Variants in FOCAD observed in about 807,000 individuals in gnomAD.
FOCAD encodes the protein focadhesin, also known as KIAA1797.
Under a neutral mutation model 225.6 loss-of-function variants are expected in FOCAD, and 198 were observed. The ratio of observed to expected loss-of-function variants is 0.88; its 90% CI spans 0.78 to 0.99. The LOEUF (loss-of-function observed/expected upper bound fraction) is 0.99, where lower values mean the gene tolerates loss of function less well. FOCAD is among the 50% of genes least tolerant of loss of function. FOCAD has a pLI of 0.00. For synonymous variants in FOCAD, 897 were observed against 755.0 expected (o/e 1.19, Z -3.08); for missense variants, 2,713 against 2,123.6 (o/e 1.28, Z -5.46).
At chr9:20,887,747 C>A (rs1831222858) in intron 21 of FOCAD, among the ~76,000 whole-genome samples, 1 of 152,102 alleles carries the variant, frequency 6.6e-6, no homozygotes, top group Non-Finnish European at 1.5e-5. Context: ...TCATATATAA[C>A]TTTATAGGAA....
rs1841180479 is a variant in FOCAD at position 20,986,443 on chromosome 9, G to A, written c.4884G>A (p.Arg1628=). Residue 1628 remains arginine (R), a synonymous_variant, in exon 40 of 44, where the codon CGG becomes CGA. Transcript: ENST00000338382. ...TTCTGCACAGCTTATACCAGGCACGGATTGTGAGCCATGCCAATACGGGTG... is the reference window on the plus strand; with the variant it reads ...TTCTGCACAGCTTATACCAGGCACGAATTGTGAGCCATGCCAATACGGGTG... ...WMILHSLYQA[R]IVSHANTGVL... The A allele has an allele frequency of 3.7e-6, 6 of 1,611,510 alleles. No individual in the cohort carries two copies. The highest frequency in any genetic ancestry group is 5.1e-6 in the Non-Finnish European group (6 of 1,179,130).
chr9:20,801,531 G>C (rs1312879882), intron 11 of FOCAD, among the ~76,000 whole-genome samples: 1 of 152,248 alleles, frequency 6.6e-6, no homozygotes, highest in East Asian at 1.9e-4. Context: ...AGTTATTGAG[G>C]CACTCATAAT....
intron 7 of FOCAD, among the ~76,000 whole-genome samples, chr9:20,767,586 G>C (rs201026117): frequency 0.011 from 1,684 of 151,154 alleles, 39 homozygotes; most frequent in African/African-American, 0.037. Flanking sequence ...TGATAATGAG[G>C]ATTTTTTCAT....
At chr9:20,932,218 C>T (rs1202499837) in intron 27 of FOCAD, among the ~76,000 whole-genome samples, 1 of 152,080 alleles carries the variant, frequency 6.6e-6, no homozygotes, top group African/African-American at 2.4e-5. Context: ...TGCAAAAATT[C>T]CTTCACCTTG....
chr9:20,721,303 G>C (rs1385095340), intron 4 of FOCAD, among the ~76,000 whole-genome samples: 2 of 152,064 alleles, frequency 1.3e-5, no homozygotes, highest in Non-Finnish European at 2.9e-5. Context: ...GAAGCTACTT[G>C]TTTTTCCAGT....
At chr9:20,678,601 G>A (rs989857642) in intron 2 of FOCAD, among the ~76,000 whole-genome samples, 2 of 152,158 alleles carry the variant, frequency 1.3e-5, no homozygotes, top group Admixed American at 6.5e-5. Flanking sequence ...GCAGGAGGCC[G>A]ACCTATAACT....
intron 4 of FOCAD, among the ~76,000 whole-genome samples, chr9:20,730,959 A>G (rs1826635216): frequency 1.3e-5 from 2 of 152,134 alleles, no homozygotes; most frequent in African/African-American, 4.8e-5. Context: ...TTTCTGGCTG[A>G]GCGCAGTGGC....
chr9:20,813,673 C>T (rs191556985), intron 11 of FOCAD, among the ~76,000 whole-genome samples: 122 of 152,250 alleles, frequency 8.0e-4, no homozygotes, highest in Admixed American at 1.5e-3. Context: ...AGAGAATGTT[C>T]GGTGTGCACC....
chr9:20,978,214 G>T, intron 36 of FOCAD, 125 bp from the exon 37 acceptor site: 1 of 562,204 alleles, frequency 1.8e-6, no homozygotes, highest in Non-Finnish European at 3.2e-6. Flanking sequence ...ATCTCTTCTG[G>T]TTTACTGAAG....
rs747833477 is a variant in FOCAD, at chr9:20,778,722, A to G, written c.948A>G (p.Leu316=). ...TGGTCATAATTGGAATAGCTTTACT[A>G]CTTCTACAGACTCCAGCAAGTCAGC... is the stretch of plus-strand genomic sequence containing the variant. ...VELVIIGIAL[L]LLQTPASQQK... is the part of the protein sequence containing the mutation. The change falls in exon 9 of 44, where the codon CTA becomes CTG. Residue 316 remains leucine, a synonymous_variant. Coordinates refer to ENST00000338382, the MANE Select transcript of FOCAD (RefSeq NM_001375567.1). 20 of 1,612,200 alleles carry G rather than the reference A, an allele frequency of 1.2e-5. No homozygotes were observed. Among genetic ancestry groups the G allele is most frequent in the Non-Finnish European group, 1.4e-5 (17 of 1,178,846 alleles).
intron 4 of FOCAD, among the ~76,000 whole-genome samples, chr9:20,730,410 A>G (rs1219123788): frequency 6.6e-6 from 1 of 152,180 alleles, no homozygotes; most frequent in Non-Finnish European, 1.5e-5. Flanking sequence ...AAATTCCAAA[A>G]TAATGATTTT....
At chr9:20,763,404 T>C (rs1253851700) in intron 6 of FOCAD, among the ~76,000 whole-genome samples, 3 of 152,148 alleles carry the variant, frequency 2.0e-5, no homozygotes, top group Admixed American at 2.0e-4. Flanking sequence ...TGAAGTGCAC[T>C]ATTATTGTGC....
intron 4 of FOCAD, among the ~76,000 whole-genome samples, chr9:20,730,709 T>A (rs1184807930): frequency 6.6e-6 from 1 of 152,206 alleles, no homozygotes; most frequent in Non-Finnish European, 1.5e-5. Context: ...GTCTTAATAT[T>A]AAGTCATAGG....
chr9:20,809,217 A>G (rs1218568034), intron 11 of FOCAD, among the ~76,000 whole-genome samples: 3 of 152,252 alleles, frequency 2.0e-5, no homozygotes, highest in South Asian at 4.1e-4. Context: ...TTGTTGTTGC[A>G]TGCATCTGAG....
At chr9:20,778,022 G>A (rs1818949069) in intron 8 of FOCAD, among the ~76,000 whole-genome samples, 1 of 145,292 alleles carries the variant, frequency 6.9e-6, no homozygotes, top group Non-Finnish European at 1.5e-5. Context: ...CCCGGAAGGC[G>A]GAGCTTGCAG....
chr9:20,737,291 A>G (rs62551164), intron 4 of FOCAD, among the ~76,000 whole-genome samples: 29,871 of 152,272 alleles, frequency 0.2, 3,292 homozygotes, highest in South Asian at 0.32. Context: ...ATAAAAAGGT[A>G]GGACACCATA....
chr9:20,836,524 A>G (rs1227372309), intron 15 of FOCAD, among the ~76,000 whole-genome samples: 1 of 151,998 alleles, frequency 6.6e-6, no homozygotes, highest in Non-Finnish European at 1.5e-5. Context: ...TGTTTTTTTG[A>G]TGCCTTCAGT....
chr9:20,669,655 A>T (rs1382393147), intron 2 of FOCAD, among the ~76,000 whole-genome samples: 1 of 152,106 alleles, frequency 6.6e-6, no homozygotes, highest in East Asian at 1.9e-4. Flanking sequence ...GCACCCTGTA[A>T]TCCCAGCTAC....
At chr9:20,684,105 C>A (rs1344480552), upstream of FOCAD, 4 of 152,266 alleles carry the variant, frequency 2.6e-5, no homozygotes, top group African/African-American at 9.6e-5. Flanking sequence ...CCGCAGTGCG[C>A]GGCCCGGGCC....
Sources: gnomAD v4.1 joint callset for allele counts (sites outside exome capture counted in the v4.1 genomes callset) on GRCh38, gnomAD v4.1.1 for gene constraint, MANE v1.5 for transcripts, NCBI Gene and HGNC (gene_info 2026-07-23, HGNC 2026-07-21) for gene names.